The following CACNB3 variants were observed in gnomAD, a reference collection of about 807,000 sequenced individuals.
The protein encoded by CACNB3 is calcium voltage-gated channel auxiliary subunit beta 3.
In CACNB3, 36 loss-of-function variants were observed where a neutral mutation model predicts 63.7. The ratio of observed to expected loss-of-function variants is 0.57; its 90% CI spans 0.43 to 0.75. The LOEUF (loss-of-function observed/expected upper bound fraction) is 0.75. Ranked by LOEUF, CACNB3 falls within the 30% of genes least tolerant of loss-of-function variation. CACNB3 has a pLI of 0.00. For synonymous variants in CACNB3, 241 were observed against 250.6 expected (o/e 0.96, Z 0.36); for missense variants, 493 against 648.6 (o/e 0.76, Z 2.61).
Position 48,818,954 on chromosome 12 carries a change from G to C in CACNB3, c.25G>C (p.Gly9Arg). Residue 9 changes from glycine (G) to arginine (R), a missense_variant, in exon 1 of 13, where the codon GGG becomes CGG. Transcript: ENST00000301050. This position sits in a 1 kb window ranked among gnomAD's most constrained non-coding sequence, Gnocchi z 4.3. Reference sequence around the variant, plus strand: ...CATGTATGACGACTCCTACGTGCCCGGGTTTGAGGACTCGGAGGCGGTGAG... The same window carrying C: ...CATGTATGACGACTCCTACGTGCCCCGGTTTGAGGACTCGGAGGCGGTGAG... MYDDSYVP[G>R]FEDSEAGSAD... is the part of the protein sequence containing the mutation. The C allele has an allele frequency of 6.2e-7, 1 of 1,604,788 alleles. No individual in the cohort carries two copies. Among genetic ancestry groups the C allele is most frequent in the Non-Finnish European group, 8.5e-7 (1 of 1,175,834 alleles).
At position 48,824,666 on chromosome 12, in the gene CACNB3, CAGG is replaced by C; in HGVS notation, c.408_410del (p.Arg137del). On this transcript the variant is annotated splice_acceptor_variant and coding_sequence_variant, in exon 5 of 13. Transcript: ENST00000301050. LOFTEE classifies it high-confidence loss of function. ...TCTCTCTTTCACCTCCCTTTCTTCT[CAGG>C]AGATCTGGGAACCCTTCCAGCCTGA... The C allele has an allele frequency of 3.7e-6, 6 of 1,613,304 alleles. No individual in the cohort carries two copies. Among genetic ancestry groups the C allele is most frequent in the Non-Finnish European group, 4.2e-6 (5 of 1,179,452 alleles).
chr12:48,818,856 C>T lies in CACNB3; in HGVS notation c.-74C>T. On this transcript the variant is annotated 5_prime_UTR_variant, in exon 1 of 13. Coordinates refer to ENST00000301050, the MANE Select transcript of CACNB3 (RefSeq NM_000725.4). This position sits in a 1 kb window ranked among gnomAD's most constrained non-coding sequence, Gnocchi z 4.3. ...GCTCGGTGGCATCTCCCGGGCGCGG[C>T]CCGCAGTCCTTGCCCCTGCCTCCGG... The T allele has an allele frequency of 1.4e-6, 2 of 1,467,336 alleles. No individual in the cohort carries two copies. The highest frequency in any genetic ancestry group is 1.8e-6 in the Non-Finnish European group (2 of 1,109,304). The allele number at this position is 1,467,336 out of a possible 1,614,324, so 90.9% of individuals were successfully genotyped here.
At chr12:48,816,129 G>A (rs1271926636), upstream of CACNB3, among the ~76,000 whole-genome samples, 1 of 152,126 alleles carries the variant, frequency 6.6e-6, no homozygotes, top group African/African-American at 2.4e-5. Flanking sequence ...TTCCCAGAAG[G>A]CCTAGCTTCT....
chr12:48,822,301 C>G (rs879771924), intron 1 of CACNB3, among the ~76,000 whole-genome samples: 4 of 152,152 alleles, frequency 2.6e-5, no homozygotes, highest in Non-Finnish European at 5.9e-5. Flanking sequence ...ATTGTAACCT[C>G]TGGGCTCTTG....
At position 48,825,591 on chromosome 12, in the gene CACNB3, G is replaced by T. The variant is rs1300531799; in HGVS notation, c.633-69G>T. 6.4e-7 allele frequency: 1 copy of T among 1,570,756 alleles called. No individual in the cohort carries two copies. Among genetic ancestry groups the T allele is most frequent in the Non-Finnish European group, 8.8e-7 (1 of 1,140,818 alleles). On this transcript the variant is annotated intron_variant, in intron 8 of 12. Coordinates refer to ENST00000301050, the MANE Select transcript of CACNB3 (RefSeq NM_000725.4). This position sits in a 1 kb window ranked among gnomAD's most constrained non-coding sequence, Gnocchi z 4.5. The stretch of plus-strand genomic sequence containing the variant: ...AGTCTTCTCTAAGGGAAGAGTTAGT[G>T]GGAGCTGAGTAAGGAGAGGCTGAGG...
At chr12:48,822,343 G>C (rs1361721835) in intron 1 of CACNB3, among the ~76,000 whole-genome samples, 1 of 152,104 alleles carries the variant, frequency 6.6e-6, no homozygotes, top group Non-Finnish European at 1.5e-5. Context: ...ACTCATTTGT[G>C]CCTCTCCCTC....
chr12:48,823,723 T>C lies in CACNB3; in HGVS notation c.211T>C (p.Cys71Arg). 4 of 1,614,164 alleles carry C rather than the reference T, an allele frequency of 2.5e-6. No individual in the cohort carries two copies. Among genetic ancestry groups the C allele is most frequent in the Non-Finnish European group, 3.4e-6 (4 of 1,180,024 alleles). ...AFAVRTNVSY[C>R]GVLDEECPVQ... ...TGCGGTGAGGACCAATGTCAGCTAC[T>C]GTGGCGTACTGGATGAGGAGTGCCC... Residue 71 changes from cysteine (C) to arginine (R), a missense_variant, in exon 3 of 13, where the codon TGT (cysteine) becomes CGT (arginine). Transcript: ENST00000301050. The surrounding 1 kb of genome is among the most constrained non-coding windows in gnomAD (Gnocchi z 4.2).
upstream of CACNB3, chr12:48,816,740 G>T: frequency 1.9e-6 from 1 of 529,366 alleles, no homozygotes; most frequent in Non-Finnish European, 2.4e-6. Flanking sequence ...GAGTGCTGCC[G>T]ATGGCAGATC....
Position 48,828,334 on chromosome 12 carries a change from ACAGT to A in CACNB3, c.*438_*441del, listed in dbSNP as rs1211922747. ...GGTCCCTGAGCAGGCACAAGTCCTGACAGTCAAGGGACTGCTTTGGCATCCAGGG... is the reference window on the plus strand; with the variant it reads ...GGTCCCTGAGCAGGCACAAGTCCTGACAAGGGACTGCTTTGGCATCCAGGG... On this transcript the variant is annotated 3_prime_UTR_variant, in exon 13 of 13. Transcript: ENST00000301050. The A allele has an allele frequency of 9.8e-6, 3 of 306,772 alleles. No homozygotes were observed. The highest frequency in any genetic ancestry group is 6.5e-5 in the African/African-American group (3 of 46,382). 19.0% of individuals were successfully genotyped at this position (306,772 alleles called of 1,614,324 possible).
chr12:48,819,622 C>A (rs557849443), intron 1 of CACNB3: 6 of 448,678 alleles, frequency 1.3e-5, no homozygotes, highest in African/African-American at 1.2e-4. Context: ...GACTGAGCCC[C>A]ATCTATTCCA....
chr12:48,827,469 T>C (rs2137469087), intron 12 of CACNB3, 116 bp from the exon 13 acceptor site: 1 of 1,029,876 alleles, frequency 9.7e-7, no homozygotes, highest in East Asian at 2.5e-5. Context: ...TGCTTTTTCC[T>C]TGCACTATTT....
In CACNB3 at chr12:48,824,685, T is replaced by G; in HGVS notation, c.424T>G (p.Ser142Ala). 1 of 1,613,732 alleles carries G rather than the reference T, an allele frequency of 6.2e-7. No homozygotes were observed. Among genetic ancestry groups the G allele is most frequent in the South Asian group, 1.1e-5 (1 of 91,050 alleles). ...TCTTCTCAGGAGATCTGGGAACCCT[T>G]CCAGCCTGAGTGACATTGGCAACCG... ...EQKARRSGNPSSLSDIGNRRS... is the reference protein window; with the variant it reads ...EQKARRSGNPASLSDIGNRRS... Residue 142 changes from serine to alanine, a missense_variant, in exon 5 of 13, where the codon TCC becomes GCC. Ser to Ala is a moderately conservative substitution (Grantham distance 99). Coordinates refer to ENST00000301050, the MANE Select transcript of CACNB3 (RefSeq NM_000725.4).
upstream of CACNB3, chr12:48,815,738 G>A (rs558254527): frequency 3.1e-5 from 44 of 1,402,086 alleles, no homozygotes; most frequent in East Asian, 6.9e-4. Flanking sequence ...GGTAACCGTG[G>A]GGGGGGTGTG....
chr12:48,818,779 G>C lies in CACNB3; in HGVS notation c.-151G>C, dbSNP rs186122339. ...TCCGAGCAGCTGGTCTTCGCGGCTC[G>C]CTCCCTCCTTCGCGCTCTCTCGCTC... On this transcript the variant is annotated 5_prime_UTR_variant, in exon 1 of 13. Transcript: ENST00000301050. The surrounding 1 kb of genome is among the most constrained non-coding windows in gnomAD (Gnocchi z 4.3). The C allele has an allele frequency of 6.4e-5, 86 of 1,345,106 alleles. No individual in the cohort carries two copies. The highest frequency in any genetic ancestry group is 1.3e-4 in the East Asian group (4 of 31,558). The allele number at this position is 1,345,106 out of a possible 1,614,324, so 83.3% of individuals were successfully genotyped here.
intron 3 of CACNB3, 164 bp from the exon 4 acceptor site, chr12:48,824,094 C>T (rs911029546): frequency 2.8e-6 from 2 of 704,136 alleles, no homozygotes; most frequent in Non-Finnish European, 2.4e-6. Flanking sequence ...CCTGGGTGGC[C>T]CGAACTTGGC....
chr12:48,824,214 G>A (rs774765294), intron 3 of CACNB3, 44 bp from the exon 4 acceptor site: 152 of 1,493,678 alleles, frequency 1.0e-4, no homozygotes, highest in Non-Finnish European at 1.3e-4. Flanking sequence ...GGACTGGGGC[G>A]GGGCGCTTCT....
Position 48,823,849 on chromosome 12 carries a change from G to T in CACNB3, c.291+46G>T. ...CAGAAGCCTCTAACTTCATTTTCTT[G>T]CTCTTGCTCCAGATCCTAATGCTTC... On this transcript the variant is annotated intron_variant, in intron 3 of 12. Coordinates refer to ENST00000301050, the MANE Select transcript of CACNB3 (RefSeq NM_000725.4). This position sits in a 1 kb window ranked among gnomAD's most constrained non-coding sequence, Gnocchi z 4.2. 6.2e-7 allele frequency: 1 copy of T among 1,611,730 alleles called. No individual in the cohort carries two copies. Among genetic ancestry groups the T allele is most frequent in the Non-Finnish European group, 8.5e-7 (1 of 1,178,878 alleles).
chr12:48,827,620 CT>C lies in CACNB3; in HGVS notation c.1177del (p.Ser393ProfsTer8). ...QLLGERGEEH[S>X]PLERDSLMPS... ...TGCTGGGGGAGCGTGGCGAGGAGCACTCCCCCCTTGAGCGGGACAGCTTGAT... is the reference window on the plus strand; with the variant it reads ...TGCTGGGGGAGCGTGGCGAGGAGCACCCCCCCTTGAGCGGGACAGCTTGAT... On this transcript the variant is annotated frameshift_variant, in exon 13 of 13. Transcript: ENST00000301050. LOFTEE classifies it high-confidence loss of function. 1 of 1,613,512 alleles carries C rather than the reference CT, an allele frequency of 6.2e-7. No homozygotes were observed. The highest frequency in any genetic ancestry group is 8.5e-7 in the Non-Finnish European group (1 of 1,179,916).
chr12:48,815,395 G>C, upstream of CACNB3: 1 of 537,806 alleles, frequency 1.9e-6, no homozygotes, highest in South Asian at 2.3e-5. Flanking sequence ...CGGAAAAACA[G>C]AACGAGGACC....
Sources: allele counts gnomAD v4.1 joint callset (sites outside exome capture counted in the v4.1 genomes callset), GRCh38; gene constraint gnomAD v4.1.1; non-coding constraint Gnocchi (gnomAD v3.1); transcripts MANE v1.5; gene names NCBI Gene and HGNC (gene_info 2026-07-23, HGNC 2026-07-21).